The following LTBP1 variants were observed in gnomAD, a reference collection of about 807,000 sequenced individuals.
LTBP1 encodes the protein latent-transforming growth factor beta-binding protein 1.
In LTBP1, 129 loss-of-function variants were observed where a neutral mutation model predicts 207.6. The observed-to-expected ratio is 0.62, with a 90% CI of 0.54 to 0.72. LTBP1 has a LOEUF of 0.72. Ranked by LOEUF, LTBP1 falls within the 30% of genes least tolerant of loss-of-function variation. The pLI, the probability that LTBP1 is intolerant of heterozygous loss-of-function variation, is 0.00. For synonymous variants in LTBP1, 963 were observed against 833.7 expected (o/e 1.16, Z -2.67); for missense variants, 2,281 against 2,217.2 (o/e 1.03, Z -0.58).
At chr2:33,288,067 C>A (rs1230505569) in intron 19 of LTBP1, among the ~76,000 whole-genome samples, 1 of 152,048 alleles carries the variant, frequency 6.6e-6, no homozygotes, top group African/African-American at 2.4e-5. Context: ...ATGCTTTATC[C>A]CTATCTCAAG....
At chr2:33,112,707 A>G (rs542822988) in intron 4 of LTBP1, among the ~76,000 whole-genome samples, 2 of 152,342 alleles carry the variant, frequency 1.3e-5, no homozygotes, top group East Asian at 3.9e-4. Flanking sequence ...TGAAATGGCA[A>G]AATGGAGTAA....
intron 2 of LTBP1, among the ~76,000 whole-genome samples, chr2:33,020,433 C>G (rs1441960734): frequency 6.6e-6 from 1 of 152,142 alleles, no homozygotes. Flanking sequence ...AGCCACAGAA[C>G]ATAACTTTAA....
intron 5 of LTBP1, among the ~76,000 whole-genome samples, chr2:33,145,485 G>T (rs2082953007): frequency 6.6e-6 from 1 of 152,196 alleles, no homozygotes; most frequent in African/African-American, 2.4e-5. Flanking sequence ...GCAGACCACT[G>T]CCCTTCTCCT....
intron 7 of LTBP1, among the ~76,000 whole-genome samples, chr2:33,198,507 G>A (rs1406141790): frequency 4.6e-5 from 7 of 152,088 alleles, no homozygotes; most frequent in Non-Finnish European, 7.4e-5. Context: ...GGTAGAATTC[G>A]GCTGTGAATC....
intron 10 of LTBP1, among the ~76,000 whole-genome samples, chr2:33,245,446 C>CT (rs1464287045): frequency 6.6e-6 from 1 of 152,178 alleles, no homozygotes; most frequent in Non-Finnish European, 1.5e-5. Flanking sequence ...TCACTAATTA[C>CT]TACTCTTTTC....
In LTBP1 at chr2:33,263,379, T is replaced by C; in HGVS notation, c.2604T>C (p.Pro868=). Residue 868 remains proline (P), a synonymous_variant, in exon 15 of 34, where the codon CCT becomes CCC. Transcript: ENST00000404816. ...STSSASQVIA[P]TQVTEINECT... ...CTAGTGCCAGCCAAGTGATTGCTCC[T>C]ACTCAAGTGACAGGTTGGTGCAGTA... 6.2e-7 allele frequency: 1 copy of C among 1,613,322 alleles called. No homozygotes were observed. The highest frequency in any genetic ancestry group is 1.3e-5 in the African/African-American group (1 of 75,044).
chr2:33,056,434 G>A, intron 3 of LTBP1: 1 of 992,492 alleles, frequency 1.0e-6, no homozygotes, highest in Non-Finnish European at 1.4e-6. Context: ...TTGCCCAGCA[G>A]CTTGTTTAGT....
chr2:33,318,104 G>A (rs2094299039), intron 24 of LTBP1, among the ~76,000 whole-genome samples: 1 of 152,032 alleles, frequency 6.6e-6, no homozygotes, highest in Non-Finnish European at 1.5e-5. Context: ...ATGCTCAACA[G>A]GTAAGAATAA....
intron 9 of LTBP1, among the ~76,000 whole-genome samples, chr2:33,239,878 T>C (rs2092235493): frequency 6.6e-6 from 1 of 151,306 alleles, no homozygotes. Flanking sequence ...TACTCCAACC[T>C]GTGTGACAGA....
rs750565474 is a variant in LTBP1 at position 33,251,257 on chromosome 2, A to G, written c.2000-1420A>G. On this transcript the variant is annotated intron_variant, in intron 10 of 33. Transcript: ENST00000404816. The stretch of plus-strand genomic sequence containing the variant: ...CACCACTGATGCTATTTACAACTGA[A>G]GAAATCTTATGGAGACTACACTACT... 9.9e-5 allele frequency among the ~76,000 whole-genome samples: 15 copies of G among 152,230 alleles called. No homozygotes were observed. The South Asian group carries it at 1.2e-3, about 13-fold the overall frequency.
At chr2:33,104,762 G>C (rs896440120) in intron 3 of LTBP1, among the ~76,000 whole-genome samples, 4 of 151,958 alleles carry the variant, frequency 2.6e-5, no homozygotes, top group Non-Finnish European at 4.4e-5. Context: ...TAAACTCAGA[G>C]GCTTTTCCCT....
At chr2:33,064,846 G>A (rs1402807123) in intron 3 of LTBP1, among the ~76,000 whole-genome samples, 1 of 152,092 alleles carries the variant, frequency 6.6e-6, no homozygotes, top group African/African-American at 2.4e-5. Context: ...TCTTAGTCAT[G>A]TCATGTCAAA....
At chr2:32,978,224 T>C (rs1682130796) in intron 2 of LTBP1, among the ~76,000 whole-genome samples, 1 of 152,184 alleles carries the variant, frequency 6.6e-6, no homozygotes. Flanking sequence ...TCTTGTCTGA[T>C]TGCTCTAGCT....
In LTBP1 at chr2:33,093,813, T is replaced by TATC. The variant is rs549103792; in HGVS notation, c.864-16750_864-16748dup. Among the ~76,000 whole-genome samples the TATC allele has an allele frequency of 6.0e-3, 913 of 151,910 alleles. 8 individuals are homozygous for TATC. The highest frequency in any genetic ancestry group is 0.02 in the African/African-American group (833 of 41,472). On this transcript the variant is annotated intron_variant, in intron 3 of 33. Coordinates refer to ENST00000404816, the MANE Select transcript of LTBP1 (RefSeq NM_206943.4). ...CATATACAGTAATGATGATGATGATTATCATCATCATCATCATCATCTCAA... is the reference window on the plus strand; with the variant it reads ...CATATACAGTAATGATGATGATGATTATCATCATCATCATCATCATCATCTCAA...
chr2:33,152,335 T>C (rs544150475), intron 5 of LTBP1, among the ~76,000 whole-genome samples: 33 of 152,202 alleles, frequency 2.2e-4, no homozygotes, highest in Admixed American at 8.5e-4. Flanking sequence ...TCACTAATGA[T>C]CAGGGAAATG....
chr2:32,947,684 C>T lies in LTBP1; in HGVS notation c.360C>T (p.Pro120=). The stretch of plus-strand genomic sequence containing the variant: ...CGGTCCCCGGCGGGCAGCTCCACCC[C>T]AATCCCGGCGGCCACCCGGCAGCCG... ...RPAVPGGQLH[P]NPGGHPAAAP... Residue 120 remains proline (P), a synonymous_variant, in exon 1 of 34, where the codon CCC becomes CCT. Transcript: ENST00000404816. The T allele has an allele frequency of 1.3e-6, 2 of 1,499,314 alleles. No homozygotes were observed. Among genetic ancestry groups the T allele is most frequent in the Non-Finnish European group, 1.8e-6 (2 of 1,123,326 alleles). 92.9% of individuals were successfully genotyped at this position (1,499,314 alleles called of 1,614,324 possible). A position where few individuals can be genotyped will look rare whatever the true frequency, so the allele number is the denominator to read the frequency against.
At chr2:33,160,314 G>C (rs1474654558) in intron 5 of LTBP1, among the ~76,000 whole-genome samples, 1 of 152,148 alleles carries the variant, frequency 6.6e-6, no homozygotes, top group African/African-American at 2.4e-5. Context: ...TTTAATTGTT[G>C]GTGGATGAAT....
chr2:33,262,570 CA>C (rs1311249901), intron 13 of LTBP1, 151 bp from the exon 14 acceptor site: 1 of 185,582 alleles, frequency 5.4e-6, no homozygotes, highest in Non-Finnish European at 1.0e-5. Context: ...TGTAATTTCA[CA>C]CAATTATACA....
intron 10 of LTBP1, among the ~76,000 whole-genome samples, chr2:33,246,635 C>G (rs1259942864): frequency 1.3e-5 from 2 of 152,118 alleles, no homozygotes; most frequent in Non-Finnish European, 2.9e-5. Context: ...TAGGCCATAT[C>G]CAGAGCATAC....
Sources: gnomAD v4.1 joint callset for allele counts (sites outside exome capture counted in the v4.1 genomes callset) on GRCh38, gnomAD v4.1.1 for gene constraint, MANE v1.5 for transcripts, NCBI Gene and HGNC (gene_info 2026-07-23, HGNC 2026-07-21) for gene names.